The following ARHGAP6 variants were observed in gnomAD, a reference collection of about 807,000 sequenced individuals.
The protein encoded by ARHGAP6 is Rho GTPase activating protein 6.
A neutral mutation model predicts 55.7 loss-of-function variants in ARHGAP6; 16 were observed. The observed-to-expected ratio is 0.29, with a 90% CI of 0.19 to 0.44. The LOEUF is 0.44. ARHGAP6 is among the 20% of genes least tolerant of loss of function. The pLI is 1.00. For missense variants in ARHGAP6, 698 were observed against 808.9 expected (o/e 0.86, Z 1.66); for synonymous variants, 382 against 360.9 (o/e 1.06, Z -0.66).
chrX:11,449,079 T>A (rs940413819), intron 1 of ARHGAP6, among the ~76,000 whole-genome samples: 3 of 111,512 alleles, frequency 2.7e-5, no homozygotes, highest in Non-Finnish European at 5.7e-5. Context: ...GAGAAGCGTA[T>A]TCTTCACTAG....
intron 1 of ARHGAP6, among the ~76,000 whole-genome samples, chrX:11,585,725 A>G (rs1453997182): frequency 8.9e-6 from 1 of 112,129 alleles, no homozygotes; most frequent in Admixed American, 9.5e-5. Flanking sequence ...GTATTAGTCC[A>G]TTCTCACATT....
At chrX:11,608,696 G>A (rs773748343) in intron 1 of ARHGAP6, among the ~76,000 whole-genome samples, 5 of 111,214 alleles carry the variant, frequency 4.5e-5, no homozygotes, top group Admixed American at 1.9e-4. Context: ...TCATGGGGGC[G>A]GTTTCCCCCA....
At chrX:11,156,933 A>G (rs1037657397) in intron 9 of ARHGAP6, among the ~76,000 whole-genome samples, 3 of 112,784 alleles carry the variant, frequency 2.7e-5, no homozygotes, top group Non-Finnish European at 5.6e-5. Flanking sequence ...TAAGGAAAAT[A>G]TCATGGTTCA....
intron 1 of ARHGAP6, among the ~76,000 whole-genome samples, chrX:11,573,780 A>G (rs2051560867): frequency 9.0e-6 from 1 of 110,730 alleles, no homozygotes; most frequent in African/African-American, 3.3e-5. Flanking sequence ...CTTGGGCAGT[A>G]TGGCCATTTT....
intron 1 of ARHGAP6, chrX:11,290,376 A>G (rs1569287608): frequency 5.3e-6 from 2 of 374,520 alleles, no homozygotes; most frequent in Non-Finnish European, 1.1e-5. Context: ...AGTATAAGAC[A>G]CAATACCTGA....
chrX:11,604,998 C>A lies in ARHGAP6; in HGVS notation c.588+59243G>T, dbSNP rs765089554. On this transcript the variant is annotated intron_variant, in intron 1 of 12. Coordinates refer to ENST00000337414, the MANE Select transcript of ARHGAP6 (RefSeq NM_013427.3). ...CTTCAGTACAAACCATTCCCAGAAG[C>A]TAGGATTGAATGAGCTGTCCCTGAA... Among the ~76,000 whole-genome samples, 8 of 111,854 alleles carry A rather than the reference C, an allele frequency of 7.2e-5. No individual in the cohort carries two copies. In the South Asian group the frequency reaches 3.0e-3, roughly 42 times the overall value.
rs1311375402 is a variant in ARHGAP6 at position 11,197,099 on chromosome X, A to C, written c.749-103T>G. On this transcript the variant is annotated intron_variant, in intron 2 of 12. Transcript: ENST00000337414. ...AAAAGCATGGCTTTTCTCTTACTTC[A>C]CTTATAATTTGACATTTTAAGCAGA... is the stretch of plus-strand genomic sequence containing the variant. The C allele has an allele frequency of 8.6e-6, 4 of 467,365 alleles. No homozygotes were observed. The Admixed American group carries it at 1.5e-4, about 17-fold the overall frequency. The allele number at this position is 467,365 out of a possible 1,213,427, so 38.5% of individuals were successfully genotyped here. A position where few individuals can be genotyped will look rare whatever the true frequency, so the allele number is the denominator to read the frequency against.
intron 1 of ARHGAP6, among the ~76,000 whole-genome samples, chrX:11,403,413 G>T (rs1320446886): frequency 8.9e-6 from 1 of 112,128 alleles, no homozygotes; most frequent in Non-Finnish European, 1.9e-5. Context: ...CTGTAAGTAT[G>T]AAATAAATAA....
chrX:11,659,708 C>G (rs187599217), intron 1 of ARHGAP6, among the ~76,000 whole-genome samples: 2 of 111,442 alleles, frequency 1.8e-5, no homozygotes, highest in Admixed American at 1.9e-4. Flanking sequence ...AATGACCACA[C>G]AAGAAGAGTG....
intron 1 of ARHGAP6, among the ~76,000 whole-genome samples, chrX:11,347,802 C>G (rs1468455005): frequency 9.0e-6 from 1 of 111,666 alleles, no homozygotes; most frequent in Non-Finnish European, 1.9e-5. Flanking sequence ...GGACACTATA[C>G]TGGCTACTAC....
Position 11,440,492 on chromosome X carries a change from T to A in ARHGAP6, c.589-185785A>T, listed in dbSNP as rs1293048328. ...AGAAATTTCCCTCCACCTATAATGC[T>A]CTACTTCCTCTGTCACCTCCCTTCC... On this transcript the variant is annotated intron_variant, in intron 1 of 12. Coordinates refer to ENST00000337414, the MANE Select transcript of ARHGAP6 (RefSeq NM_013427.3). 8.0e-5 allele frequency among the ~76,000 whole-genome samples: 9 copies of A among 111,837 alleles called. No homozygotes were observed. In the Admixed American group the frequency reaches 8.5e-4, roughly 11 times the overall value.
chrX:11,388,251 T>C (rs957319024), intron 1 of ARHGAP6, among the ~76,000 whole-genome samples: 5 of 112,107 alleles, frequency 4.5e-5, no homozygotes, highest in African/African-American at 1.3e-4. Context: ...CCGTTCTAAC[T>C]GGTGTGAGAT....
At chrX:11,197,093 T>C (rs58407251) in intron 2 of ARHGAP6, 97 bp from the exon 3 acceptor site, 15,276 of 475,511 alleles carry the variant, frequency 0.032, 182 homozygotes, top group Middle Eastern at 0.063. Context: ...GCTTTTCTCT[T>C]ACTTCACTTA....
chrX:11,171,584 T>C (rs1365267083), intron 8 of ARHGAP6, among the ~76,000 whole-genome samples: 4 of 112,183 alleles, frequency 3.6e-5, no homozygotes, highest in Non-Finnish European at 7.5e-5. Context: ...GGTGAGCACT[T>C]TTTAGGAGTA....
chrX:11,658,807 C>A (rs1028363837), intron 1 of ARHGAP6, among the ~76,000 whole-genome samples: 1 of 107,913 alleles, frequency 9.3e-6, no homozygotes, highest in Non-Finnish European at 1.9e-5. Context: ...GTATACAGGG[C>A]GTCTCAACCT....
At chrX:11,340,467 C>T (rs1411747725) in intron 1 of ARHGAP6, among the ~76,000 whole-genome samples, 2 of 111,819 alleles carry the variant, frequency 1.8e-5, no homozygotes, top group African/African-American at 6.5e-5. Flanking sequence ...CAGTGGCTCG[C>T]GCCTGTAATC....
At chrX:11,203,989 C>T (rs1025538137) in intron 2 of ARHGAP6, among the ~76,000 whole-genome samples, 35 of 112,097 alleles carry the variant, frequency 3.1e-4, no homozygotes, top group Admixed American at 1.6e-3. Context: ...TGCTCCTTGC[C>T]CTCCAGCAAG....
At chrX:11,581,544 C>CA (rs2051666409) in intron 1 of ARHGAP6, among the ~76,000 whole-genome samples, 1 of 111,810 alleles carries the variant, frequency 8.9e-6, no homozygotes, top group African/African-American at 3.2e-5. Flanking sequence ...AATGGATAAA[C>CA]AAAGTGTGGT....
At chrX:11,293,505 A>G (rs373864857) in intron 1 of ARHGAP6, 6 of 112,036 alleles carry the variant, frequency 5.4e-5, no homozygotes, top group African/African-American at 1.9e-4. Flanking sequence ...TATCCTTTTT[A>G]TTGTGCTTAT....
Sources: gnomAD v4.1 joint callset for allele counts (sites outside exome capture counted in the v4.1 genomes callset) on GRCh38, gnomAD v4.1.1 for gene constraint, MANE v1.5 for transcripts, NCBI Gene and HGNC (gene_info 2026-07-23, HGNC 2026-07-21) for gene names.